CDH9: variants seen among roughly 807,000 people sequenced by gnomAD.
CDH9 encodes cadherin 9, also known as cadherin-9.
A neutral mutation model predicts 70.9 loss-of-function variants in CDH9; 28 were observed. That is an observed-to-expected ratio of 0.40 (90% CI 0.29 to 0.54). CDH9 has a LOEUF of 0.54. CDH9 is among the 20% of genes least tolerant of loss of function. The pLI is 0.59. For missense variants in CDH9, 874 were observed against 984.4 expected, an observed-to-expected ratio of 0.89 and a Z score of 1.50; for synonymous variants, 409 against 343.1, an observed-to-expected ratio of 1.19 and a Z score of -2.12.
rs1380214380 is a variant in CDH9 at position 26,951,289 on chromosome 5, CTCA to C, written c.229-35368_229-35366del. Among the ~76,000 whole-genome samples, 16 of 6,106 alleles carry C rather than the reference CTCA, an allele frequency of 2.6e-3. 2 individuals are homozygous for C. In the South Asian group the frequency reaches 0.2, roughly 76 times the overall value. 4.0% of individuals were successfully genotyped at this position (6,106 alleles called of 152,430 possible). A position where few individuals can be genotyped will look rare whatever the true frequency, so the allele number is the denominator to read the frequency against. On this transcript the variant is annotated intron_variant, in intron 2 of 11. Coordinates refer to ENST00000231021, the MANE Select transcript of CDH9 (RefSeq NM_016279.4). ...CCTGGGTGACAGAGCAAGACTCTGT[CTCA>C]AAAAAAAAAAAAAAAAAAAAAAAAA...
chr5:27,021,357 TG>T (rs1318162162), intron 1 of CDH9, among the ~76,000 whole-genome samples: 3 of 151,754 alleles, frequency 2.0e-5, no homozygotes, highest in Non-Finnish European at 4.4e-5. Context: ...CAGAAGAAAA[TG>T]TTTTTCAACA....
intron 2 of CDH9, among the ~76,000 whole-genome samples, chr5:26,978,119 T>A (rs1742335322): frequency 6.6e-6 from 1 of 152,028 alleles, no homozygotes. Flanking sequence ...AATCACAATG[T>A]CTAGTATATA....
chr5:27,026,755 C>G (rs192899306), intron 1 of CDH9, among the ~76,000 whole-genome samples: 1 of 151,752 alleles, frequency 6.6e-6, no homozygotes, highest in African/African-American at 2.4e-5. Context: ...AACATTAACT[C>G]CAGTTGACAA....
intron 3 of CDH9, among the ~76,000 whole-genome samples, chr5:26,913,674 C>T (rs1741093616): frequency 6.6e-6 from 1 of 151,742 alleles, no homozygotes; most frequent in Admixed American, 6.6e-5. Flanking sequence ...TACAAAACAT[C>T]TTTCATGCAT....
chr5:26,996,385 C>A (rs1742665710), intron 1 of CDH9, among the ~76,000 whole-genome samples: 1 of 151,864 alleles, frequency 6.6e-6, no homozygotes, highest in South Asian at 2.1e-4. Flanking sequence ...CAAATGATTT[C>A]TCATCACCCA....
At chr5:27,003,147 T>C (rs756357179) in intron 1 of CDH9, among the ~76,000 whole-genome samples, 2 of 152,046 alleles carry the variant, frequency 1.3e-5, no homozygotes, top group Admixed American at 6.6e-5. Context: ...AATGTGCCAA[T>C]GGGAATTTCA....
At chr5:26,896,486 A>G (rs1740752315) in intron 7 of CDH9, among the ~76,000 whole-genome samples, 1 of 120,344 alleles carries the variant, frequency 8.3e-6, no homozygotes, top group African/African-American at 2.7e-5. Flanking sequence ...ATGAAATGAA[A>G]TGAATTTCAT....
chr5:27,010,856 A>G (rs1177666611), intron 1 of CDH9, among the ~76,000 whole-genome samples: 1 of 152,138 alleles, frequency 6.6e-6, no homozygotes, highest in Non-Finnish European at 1.5e-5. Context: ...CAATGTCTTT[A>G]AAAGCAAATG....
chr5:26,885,524 T>G (rs1740548986), intron 11 of CDH9, 90 bp downstream of exon 11: 1 of 1,029,562 alleles, frequency 9.7e-7, no homozygotes, highest in Admixed American at 2.2e-5. Flanking sequence ...TCTTTATCTA[T>G]AGAGAAAATT....
chr5:26,948,508 A>T (rs1382347960), intron 2 of CDH9, among the ~76,000 whole-genome samples: 2 of 152,208 alleles, frequency 1.3e-5, no homozygotes, highest in African/African-American at 4.8e-5. Flanking sequence ...TGGGTTACGA[A>T]TATGCAACAT....
At chr5:26,984,029 T>C (rs1252165183) in intron 2 of CDH9, among the ~76,000 whole-genome samples, 2 of 152,198 alleles carry the variant, frequency 1.3e-5, no homozygotes, top group African/African-American at 4.8e-5. Flanking sequence ...AATTTTTCTT[T>C]TGTTAACTGT....
chr5:27,035,094 CTCTT>C (rs2112139823), intron 1 of CDH9, among the ~76,000 whole-genome samples: 1 of 150,590 alleles, frequency 6.6e-6, no homozygotes, highest in East Asian at 2.0e-4. Context: ...TGTCTATCAT[CTCTT>C]TATGTATTTT....
At chr5:26,963,740 A>T (rs2127427) in intron 2 of CDH9, among the ~76,000 whole-genome samples, 107,243 of 151,982 alleles carry the variant, frequency 0.71, 41,290 homozygotes, top group East Asian at 0.99. Flanking sequence ...TCTTTAAAAA[A>T]AAAGATACAT....
intron 2 of CDH9, among the ~76,000 whole-genome samples, chr5:26,917,918 G>C (rs1741176142): frequency 6.6e-6 from 1 of 152,146 alleles, no homozygotes; most frequent in Non-Finnish European, 1.5e-5. Flanking sequence ...ACCAGAGTTA[G>C]CATCATGCAC....
rs141271541 is a variant in CDH9 at position 27,001,844 on chromosome 5, A to ACTCTCTCTCTCTCTCTCTCTCTCT, written c.-49-13486_-49-13463dup. Among the ~76,000 whole-genome samples, 38 of 141,998 alleles carry ACTCTCTCTCTCTCTCTCTCTCTCT rather than the reference A, an allele frequency of 2.7e-4. 1 individual carries two copies. The highest frequency in any genetic ancestry group is 9.9e-4 in the African/African-American group (36 of 36,386). 93.2% of individuals were successfully genotyped at this position (141,998 alleles called of 152,430 possible). On this transcript the variant is annotated intron_variant, in intron 1 of 11. Transcript: ENST00000231021. Reference sequence around the variant, plus strand: ...GTGCTTAACATACACACACACACACACTCTCTCTCTCTCTCTCTCTCTCTC... The same window carrying ACTCTCTCTCTCTCTCTCTCTCTCT: ...GTGCTTAACATACACACACACACACACTCTCTCTCTCTCTCTCTCTCTCTCTCTCTCTCTCTCTCTCTCTCTCTC...
intron 2 of CDH9, among the ~76,000 whole-genome samples, chr5:26,925,231 A>C (rs1204870424): frequency 6.6e-6 from 1 of 152,040 alleles, no homozygotes; most frequent in Non-Finnish European, 1.5e-5. Flanking sequence ...CTGACTTTTT[A>C]ATGATCGCCA....
intron 4 of CDH9, 58 bp downstream of exon 4, chr5:26,906,661 T>G: frequency 6.4e-7 from 1 of 1,554,552 alleles, no homozygotes; most frequent in South Asian, 1.2e-5. Context: ...ATCTCTAAAT[T>G]AATTATGCAT....
At chr5:26,887,177 C>T (rs898569579) in intron 9 of CDH9, among the ~76,000 whole-genome samples, 93 of 152,034 alleles carry the variant, frequency 6.1e-4, no homozygotes, top group African/African-American at 2.1e-3. Context: ...GTGCACAATG[C>T]ACAATTTTTA....
At chr5:26,966,551 A>G (rs1266895230) in intron 2 of CDH9, among the ~76,000 whole-genome samples, 2 of 152,170 alleles carry the variant, frequency 1.3e-5, no homozygotes, top group Non-Finnish European at 1.5e-5. Context: ...CCTACAATAA[A>G]TGAGGTGTCT....
Sources: allele counts gnomAD v4.1 joint callset (sites outside exome capture counted in the v4.1 genomes callset), GRCh38; gene constraint gnomAD v4.1.1; transcripts MANE v1.5; gene names NCBI Gene and HGNC (gene_info 2026-07-23, HGNC 2026-07-21).